PPP3CB: variants seen among roughly 807,000 people sequenced by gnomAD.
The protein encoded by PPP3CB is serine/threonine-protein phosphatase 2B catalytic subunit beta isoform.
PPP3CB carries 8 observed loss-of-function variants against 66.4 expected under a neutral mutation model. The ratio of observed to expected loss-of-function variants is 0.12; its 90% CI spans 0.07 to 0.22. The LOEUF is 0.22. Ranked by LOEUF, PPP3CB falls within the 10% of genes least tolerant of loss-of-function variation. The pLI is 1.00. For synonymous variants in PPP3CB, 208 were observed against 221.2 expected (o/e 0.94, Z 0.53); for missense variants, 319 against 642.5 (o/e 0.50, Z 5.44).
At chr10:73,487,248 AT>A in intron 1 of PPP3CB, among the ~76,000 whole-genome samples, 1 of 152,064 alleles carries the variant, frequency 6.6e-6, no homozygotes, top group Admixed American at 6.6e-5. Context: ...ATCAAAACCT[AT>A]CTAAAACTTA....
intron 9 of PPP3CB, among the ~76,000 whole-genome samples, chr10:73,458,428 C>T (rs1465014252): frequency 6.6e-6 from 1 of 151,904 alleles, no homozygotes; most frequent in Admixed American, 6.6e-5. Context: ...TGAGCCACCG[C>T]ACCTGGCAAA....
At chr10:73,492,300 G>A (rs1380746564) in intron 1 of PPP3CB, among the ~76,000 whole-genome samples, 1 of 152,172 alleles carries the variant, frequency 6.6e-6, no homozygotes, top group Non-Finnish European at 1.5e-5. Flanking sequence ...GTAAAAAGGT[G>A]AATTTTTTAT....
chr10:73,479,567 C>CT (rs2056842585), intron 1 of PPP3CB, 50 bp from the exon 2 acceptor site: 1 of 1,527,940 alleles, frequency 6.5e-7, no homozygotes, highest in African/African-American at 1.4e-5. Context: ...AATACATTAA[C>CT]TTAAAAACTA....
At chr10:73,494,970 A>G (rs2057159391) in intron 1 of PPP3CB, among the ~76,000 whole-genome samples, 2 of 152,086 alleles carry the variant, frequency 1.3e-5, no homozygotes, top group African/African-American at 4.8e-5. Context: ...TTAGCCCTCA[A>G]TTTCTCTATT....
chr10:73,474,947 A>C lies in PPP3CB; in HGVS notation c.495T>G (p.Leu165=). The C allele has an allele frequency of 6.2e-7, 1 of 1,614,048 alleles. No individual in the cohort carries two copies. The highest frequency in any genetic ancestry group is 8.5e-7 in the Non-Finnish European group (1 of 1,179,998). Residue 165 remains leucine, a synonymous_variant, in exon 4 of 14, where the codon CTT becomes CTG. Transcript: ENST00000360663. ...LLRGNHECRH[L]TEYFTFKQEC... The stretch of plus-strand genomic sequence containing the variant: ...CCTGCTTAAAGGTAAAATATTCAGT[A>C]AGGTGTCTGCATTCATGGTTGCCTC...
chr10:73,454,379 T>TA (rs61458056), intron 10 of PPP3CB, 33 bp downstream of exon 10: 37,261 of 1,129,042 alleles, frequency 0.033, 3 homozygotes, highest in Non-Finnish European at 0.037. Flanking sequence ...CATTTCACAG[T>TA]AAAAAAAAAA....
intron 9 of PPP3CB, among the ~76,000 whole-genome samples, chr10:73,466,700 G>A (rs770495839): frequency 8.5e-5 from 13 of 152,106 alleles, no homozygotes; most frequent in Non-Finnish European, 1.2e-4. Flanking sequence ...CTGAATTTCA[G>A]AACTACAAAT....
At chr10:73,438,564 C>A in intron 13 of PPP3CB, 144 bp from the exon 14 acceptor site, 1 of 688,134 alleles carries the variant, frequency 1.5e-6, no homozygotes, top group Non-Finnish European at 2.4e-6. Context: ...ATCCTATCCT[C>A]ATTTCAGTCT....
At chr10:73,473,845 G>C (rs1409126042) in intron 4 of PPP3CB, among the ~76,000 whole-genome samples, 1 of 151,522 alleles carries the variant, frequency 6.6e-6, no homozygotes, top group Non-Finnish European at 1.5e-5. Flanking sequence ...TTAAAACAAT[G>C]ATATTTAAAA....
chr10:73,470,657 T>A (rs752139085), intron 8 of PPP3CB, 30 bp downstream of exon 8: 1 of 1,385,078 alleles, frequency 7.2e-7, no homozygotes, highest in Admixed American at 2.3e-5. Flanking sequence ...CTAAGTTGTT[T>A]AACAATTTTT....
chr10:73,454,941 C>T (rs774062694), intron 9 of PPP3CB, among the ~76,000 whole-genome samples: 1 of 151,390 alleles, frequency 6.6e-6, no homozygotes, highest in South Asian at 2.1e-4. Context: ...GGCGTGATCT[C>T]GGCTCACTGC....
intron 1 of PPP3CB, among the ~76,000 whole-genome samples, chr10:73,488,761 T>C (rs981696305): frequency 6.6e-6 from 1 of 152,176 alleles, no homozygotes; most frequent in Non-Finnish European, 1.5e-5. Context: ...CTCCCCTTCC[T>C]GGCTTACACC....
intron 8 of PPP3CB, among the ~76,000 whole-genome samples, chr10:73,467,884 A>C (rs2056644190): frequency 6.6e-6 from 1 of 152,158 alleles, no homozygotes; most frequent in Admixed American, 6.5e-5. Context: ...TAGAACTATA[A>C]CTATAGTCAG....
chr10:73,456,197 CAT>C (rs1367533307), intron 9 of PPP3CB, among the ~76,000 whole-genome samples: 6 of 152,204 alleles, frequency 3.9e-5, no homozygotes, highest in African/African-American at 1.4e-4. Flanking sequence ...AAGCACCCCA[CAT>C]GTCAAGTACT....
At chr10:73,444,487 G>A in intron 12 of PPP3CB, 1 of 1,251,394 alleles carries the variant, frequency 8.0e-7, no homozygotes, top group East Asian at 2.5e-5. Context: ...ATCATTTCAT[G>A]AAAAGCTGAG....
chr10:73,479,197 A>C, intron 2 of PPP3CB, 120 bp downstream of exon 2: 1 of 938,224 alleles, frequency 1.1e-6, no homozygotes, highest in Middle Eastern at 2.5e-4. Flanking sequence ...TTTGAAATTC[A>C]AGATAATGTC....
intron 4 of PPP3CB, among the ~76,000 whole-genome samples, chr10:73,472,073 C>G (rs1210617476): frequency 6.6e-6 from 1 of 152,094 alleles, no homozygotes; most frequent in Non-Finnish European, 1.5e-5. Flanking sequence ...CTTATGAAGA[C>G]AAAATATTTG....
At chr10:73,486,794 T>A (rs2056986109) in intron 1 of PPP3CB, among the ~76,000 whole-genome samples, 1 of 152,172 alleles carries the variant, frequency 6.6e-6, no homozygotes, top group South Asian at 2.1e-4. Flanking sequence ...TCCAACATCA[T>A]CTCTCCACTA....
Position 73,438,407 on chromosome 10 carries a change from G to C in PPP3CB, c.1410C>G (p.Phe470Leu). The change falls in exon 14 of 14, where the codon TTC becomes TTG. Residue 470 changes from phenylalanine to leucine, a missense_variant. Phe to Leu is a conservative substitution (Grantham distance 22, BLOSUM62 0). Around this residue, in one of 5 missense-constraint regions of PPP3CB, gnomAD observed 120 missense variants for 331.2 expected, o/e 0.36. Transcript: ENST00000360663. ...AIEAEKAIRG[F>L]SPPHRICSFE... Reference sequence around the variant, plus strand: ...AACTGCAGATTCTATGTGGTGGAGAGAATCCTCGTATTGCTTAATAAAATG... The same window carrying C: ...AACTGCAGATTCTATGTGGTGGAGACAATCCTCGTATTGCTTAATAAAATG... 1 of 1,611,136 alleles carries C rather than the reference G, an allele frequency of 6.2e-7. No individual in the cohort carries two copies. Among genetic ancestry groups the C allele is most frequent in the Non-Finnish European group, 8.5e-7 (1 of 1,177,460 alleles).
Sources: allele counts gnomAD v4.1 joint callset (sites outside exome capture counted in the v4.1 genomes callset), GRCh38; gene constraint gnomAD v4.1.1; regional missense constraint gnomAD v4.1.1; transcripts MANE v1.5; gene names NCBI Gene and HGNC (gene_info 2026-07-23, HGNC 2026-07-21).